The following RASA1 variants were observed in gnomAD, a reference collection of about 807,000 sequenced individuals.
RASA1 encodes the protein ras GTPase-activating protein 1.
In RASA1, 25 loss-of-function variants were observed where a neutral mutation model predicts 132.2. The ratio of observed to expected loss-of-function variants is 0.19; its 90% CI spans 0.14 to 0.26. RASA1 has a LOEUF of 0.26. Ranked by LOEUF, RASA1 falls within the 10% of genes least tolerant of loss-of-function variation. RASA1 has a pLI of 1.00. For synonymous variants in RASA1, 477 were observed against 449.9 expected, an observed-to-expected ratio of 1.06 and a Z score of -0.76; for missense variants, 964 against 1,299.2, an observed-to-expected ratio of 0.74 and a Z score of 3.97.
At chr5:87,370,755 CGAA>C (rs1760875705) in intron 12 of RASA1, among the ~76,000 whole-genome samples, 1 of 152,074 alleles carries the variant, frequency 6.6e-6, no homozygotes, top group African/African-American at 2.4e-5. Context: ...TATATTCTAA[CGAA>C]GGAACTTAAA....
At chr5:87,383,860 T>A in intron 21 of RASA1, 80 bp downstream of exon 21, 21 of 222,506 alleles carry the variant, frequency 9.4e-5, no homozygotes, top group East Asian at 1.6e-4. Flanking sequence ...CTCTTAAATC[T>A]TTTTTTTTTT....
At chr5:87,327,877 A>C (rs1365364255) in intron 1 of RASA1, among the ~76,000 whole-genome samples, 1 of 152,072 alleles carries the variant, frequency 6.6e-6, no homozygotes, top group Admixed American at 6.5e-5. Context: ...AGACAGGAGA[A>C]TCACTTGAAC....
chr5:87,327,450 A>G (rs1757309871), intron 1 of RASA1, among the ~76,000 whole-genome samples: 1 of 152,218 alleles, frequency 6.6e-6, no homozygotes, highest in East Asian at 1.9e-4. Flanking sequence ...GTAACGACAT[A>G]AAAAATGTAA....
Position 87,374,741 on chromosome 5 carries a change from A to T in RASA1, c.1935-99A>T, listed in dbSNP as rs1241180138. 4.4e-4 allele frequency: 601 copies of T among 1,354,332 alleles called. No individual in the cohort carries two copies. The highest frequency in any genetic ancestry group is 9.2e-4 in the East Asian group (34 of 36,862). 83.9% of individuals were successfully genotyped at this position (1,354,332 alleles called of 1,614,324 possible). A position where few individuals can be genotyped will look rare whatever the true frequency, so the allele number is the denominator to read the frequency against. ...GGTCTAGCACACTGTTTTTTTTTTT[A>T]AAGCAGAAATAGGGGGTTTATTTGA... is the stretch of plus-strand genomic sequence containing the variant. On this transcript the variant is annotated intron_variant, in intron 14 of 24. Coordinates refer to ENST00000274376, the MANE Select transcript of RASA1 (RefSeq NM_002890.3).
At chr5:87,375,234 CTT>C (rs1761242271) in intron 15 of RASA1, among the ~76,000 whole-genome samples, 1 of 151,904 alleles carries the variant, frequency 6.6e-6, no homozygotes, top group Non-Finnish European at 1.5e-5. Flanking sequence ...GCCCTCATCC[CTT>C]CTTTCTACTT....
chr5:87,278,539 C>T (rs908649904), intron 1 of RASA1, among the ~76,000 whole-genome samples: 2 of 151,790 alleles, frequency 1.3e-5, no homozygotes, highest in African/African-American at 4.8e-5. Context: ...GAGCGAGACT[C>T]TGTCTCAAAA....
rs1762521953 is a variant in RASA1, at chr5:87,391,569, A to G, written c.*686A>G. ...GTCAAAGACTGTATTTAGATCTCAT[A>G]ATGCTTTGTTAAATGTTTACAAGTA... is the stretch of plus-strand genomic sequence containing the variant. On this transcript the variant is annotated 3_prime_UTR_variant, in exon 25 of 25. Transcript: ENST00000274376. 1.3e-5 allele frequency: 3 copies of G among 235,958 alleles called. No homozygotes were observed. The highest frequency in any genetic ancestry group is 6.1e-5 in the East Asian group (1 of 16,442). 14.6% of individuals were successfully genotyped at this position (235,958 alleles called of 1,614,324 possible).
chr5:87,268,419 G>C lies in RASA1; in HGVS notation c.-33G>C. 6.7e-7 allele frequency: 1 copy of C among 1,500,054 alleles called. No homozygotes were observed. The highest frequency in any genetic ancestry group is 8.9e-7 in the Non-Finnish European group (1 of 1,120,190). 92.9% of individuals were successfully genotyped at this position (1,500,054 alleles called of 1,614,324 possible). A position where few individuals can be genotyped will look rare whatever the true frequency, so the allele number is the denominator to read the frequency against. On this transcript the variant is annotated 5_prime_UTR_variant, in exon 1 of 25. Coordinates refer to ENST00000274376, the MANE Select transcript of RASA1 (RefSeq NM_002890.3). Reference sequence around the variant, plus strand: ...TGGTGGCCCCTGGGGCTCCCGGGCGGGCAGGGTAGGGCAGAGTAGAGCGGG... The same window carrying C: ...TGGTGGCCCCTGGGGCTCCCGGGCGCGCAGGGTAGGGCAGAGTAGAGCGGG...
chr5:87,320,039 A>T (rs1333691485), intron 1 of RASA1, among the ~76,000 whole-genome samples: 1 of 152,172 alleles, frequency 6.6e-6, no homozygotes, highest in Non-Finnish European at 1.5e-5. Flanking sequence ...TCAAAGTTCC[A>T]TACATCTCTA....
intron 1 of RASA1, among the ~76,000 whole-genome samples, chr5:87,289,293 G>A (rs1754811782): frequency 6.6e-6 from 1 of 152,226 alleles, no homozygotes; most frequent in Non-Finnish European, 1.5e-5. Flanking sequence ...TATTGATGAT[G>A]TACCTAAGTT....
chr5:87,378,272 T>C, intron 17 of RASA1, 124 bp from the exon 18 acceptor site: 2 of 1,099,836 alleles, frequency 1.8e-6, no homozygotes, highest in Non-Finnish European at 2.8e-6. Flanking sequence ...CTTTCAACGC[T>C]GCACGCAAAA....
At chr5:87,307,969 A>T (rs545269621) in intron 1 of RASA1, among the ~76,000 whole-genome samples, 8 of 152,308 alleles carry the variant, frequency 5.3e-5, no homozygotes, top group African/African-American at 1.9e-4. Context: ...CACCTTAATC[A>T]CAAAACTTTT....
At chr5:87,387,572 T>C (rs1762149534) in intron 23 of RASA1, among the ~76,000 whole-genome samples, 1 of 152,110 alleles carries the variant, frequency 6.6e-6, no homozygotes, top group Admixed American at 6.6e-5. Context: ...GGAAGGTGCA[T>C]GTACATGTGA....
chr5:87,387,253 T>C (rs573305317), intron 23 of RASA1, among the ~76,000 whole-genome samples: 2 of 152,188 alleles, frequency 1.3e-5, no homozygotes, highest in South Asian at 4.1e-4. Context: ...TGCTACTATG[T>C]GGGGCGTGAA....
At chr5:87,383,273 G>A (rs1016957994) in intron 20 of RASA1, among the ~76,000 whole-genome samples, 1 of 151,930 alleles carries the variant, frequency 6.6e-6, no homozygotes, top group Non-Finnish European at 1.5e-5. Flanking sequence ...AGAAATGAGG[G>A]TGTGTGAAGT....
intron 1 of RASA1, among the ~76,000 whole-genome samples, chr5:87,307,916 G>A (rs913623627): frequency 3.9e-5 from 6 of 152,040 alleles, no homozygotes; most frequent in Non-Finnish European, 7.4e-5. Context: ...GAGGATGGAC[G>A]GCTTAGCCAC....
Position 87,372,157 on chromosome 5 carries a change from A to G in RASA1, c.1738A>G (p.Lys580Glu). 6.2e-7 allele frequency: 1 copy of G among 1,613,626 alleles called. No individual in the cohort carries two copies. Among genetic ancestry groups the G allele is most frequent in the Non-Finnish European group, 8.5e-7 (1 of 1,179,732 alleles). ...TCTGCAGGCATTTTGCAATTTACGG[A>G]AAAGTAGTCCAGGGACATCCAATAA... ...KGLQAFCNLR[K>E]SSPGTSNKRL... is the part of the protein sequence containing the mutation. Residue 580 changes from lysine (K) to glutamate (E), a missense_variant, in exon 13 of 25, where the codon AAA becomes GAA. Around this residue, in one of 6 missense-constraint regions of RASA1, gnomAD observed 346 missense variants for 520.1 expected, o/e 0.67. Transcript: ENST00000274376.
Position 87,349,260 on chromosome 5 carries a change from T to A in RASA1, c.1149T>A (p.Pro383=). 2 of 1,612,204 alleles carry A rather than the reference T, an allele frequency of 1.2e-6. No homozygotes were observed. Residue 383 remains proline, a synonymous_variant, in exon 8 of 25, where the codon CCT becomes CCA. Transcript: ENST00000274376. ...TTGTGAGGCCCTCAGATAATACTCC[T>A]GGCGATTATTCACTTTATTTCCGGA... is the stretch of plus-strand genomic sequence containing the variant. ...SFLVRPSDNT[P]GDYSLYFRTN... is the part of the protein sequence containing the mutation.
At chr5:87,275,761 G>T (rs1359261867) in intron 1 of RASA1, among the ~76,000 whole-genome samples, 1 of 152,060 alleles carries the variant, frequency 6.6e-6, no homozygotes, top group Non-Finnish European at 1.5e-5. Context: ...CATGGAGATG[G>T]GGTTTCACCA....
Sources: gnomAD v4.1 joint callset for allele counts (sites outside exome capture counted in the v4.1 genomes callset) on GRCh38, gnomAD v4.1.1 for gene constraint, gnomAD v4.1.1 regional missense constraint, MANE v1.5 for transcripts, NCBI Gene and HGNC (gene_info 2026-07-23, HGNC 2026-07-21) for gene names.